Variants in PRDM16 observed in about 807,000 individuals in gnomAD.
PRDM16 encodes histone-lysine N-methyltransferase PRDM16.
Under a neutral mutation model 110.6 loss-of-function variants are expected in PRDM16, and 23 were observed. The ratio of observed to expected loss-of-function variants is 0.21; its 90% confidence interval spans 0.15 to 0.29. PRDM16 has a LOEUF of 0.29. PRDM16 is among the 10% of genes least tolerant of loss of function. The pLI is 1.00. For missense variants in PRDM16, 1,615 were observed against 1,794.3 expected (o/e 0.90, Z 1.81); for synonymous variants, 799 against 781.8 (o/e 1.02, Z -0.37).
rs984372616 is a variant in PRDM16, at chr1:3,331,298, C to G, written c.439-53854C>G. 3.9e-5 allele frequency among the ~76,000 whole-genome samples: 6 copies of G among 152,198 alleles called. No individual in the cohort carries two copies. The East Asian group carries it at 5.8e-4, about 15-fold the overall frequency. The stretch of plus-strand genomic sequence containing the variant: ...CTGGGAGTCTGGAGAAAGGCAGCCC[C>G]CCCCCGGCACACTTGGAGGTGGGGG... On this transcript the variant is annotated intron_variant, in intron 3 of 16. Transcript: ENST00000270722.
chr1:3,412,682 G>T lies in PRDM16; in HGVS notation c.2485G>T (p.Gly829Trp). The T allele has an allele frequency of 6.6e-7, 1 of 1,506,684 alleles. No homozygotes were observed. The highest frequency in any genetic ancestry group is 1.3e-5 in the South Asian group (1 of 77,820). The allele number at this position is 1,506,684 out of a possible 1,614,324, so 93.3% of individuals were successfully genotyped here. The change falls in exon 9 of 17, where the codon GGG becomes TGG. Residue 829 changes from glycine (G) to tryptophan (W), a missense_variant. Transcript: ENST00000270722. ...GREPRKNHVY[G>W]ERKLGAGEGL... The stretch of plus-strand genomic sequence containing the variant: ...GGAGCCCCGCAAGAACCACGTCTAT[G>T]GGGAACGCAAGCTGGGCGCCGGCGA...
At position 3,425,460 on chromosome 1, in the gene PRDM16, G is replaced by T; in HGVS notation, c.2940-121G>T. On this transcript the variant is annotated intron_variant, in intron 12 of 16. Transcript: ENST00000270722. The surrounding 1 kb of genome is among the most constrained non-coding windows in gnomAD (Gnocchi z 6.9). ...GATCCAGCAACCTCCGGGACACGGC[G>T]GGGCAAAGCTGTGCACGGGGCACGG... The T allele has an allele frequency of 9.3e-7, 1 of 1,074,750 alleles. No homozygotes were observed. Among genetic ancestry groups the T allele is most frequent in the Non-Finnish European group, 1.3e-6 (1 of 751,794 alleles). The allele number at this position is 1,074,750 out of a possible 1,614,324, so 66.6% of individuals were successfully genotyped here.
intron 1 of PRDM16, among the ~76,000 whole-genome samples, chr1:3,177,621 G>A (rs1644104854): frequency 6.6e-6 from 1 of 152,206 alleles, no homozygotes; most frequent in Non-Finnish European, 1.5e-5. Flanking sequence ...CCAGTCCCCA[G>A]GAGAGCGAGC....
intron 1 of PRDM16, among the ~76,000 whole-genome samples, chr1:3,075,761 C>T (rs946269869): frequency 2.6e-5 from 4 of 152,248 alleles, no homozygotes; most frequent in African/African-American, 9.6e-5. Context: ...GAGTGGAGGC[C>T]GTGGAGCCTG....
chr1:3,367,077 G>A (rs1384921600), intron 3 of PRDM16, among the ~76,000 whole-genome samples: 1 of 152,200 alleles, frequency 6.6e-6, no homozygotes, highest in Non-Finnish European at 1.5e-5. Context: ...AGACCAGTCT[G>A]GCCAACATGG....
intron 1 of PRDM16, among the ~76,000 whole-genome samples, chr1:3,129,932 G>T (rs1395584916): frequency 6.6e-6 from 1 of 152,106 alleles, no homozygotes; most frequent in Non-Finnish European, 1.5e-5. Context: ...CCCCAGCAGG[G>T]TCTCAGCCAT....
At position 3,437,863 on chromosome 1, in the gene PRDM16, C is replaced by T. The variant is rs373445489; in HGVS notation, c.*4052C>T. 1.2e-4 allele frequency: 26 copies of T among 218,296 alleles called. No homozygotes were observed. Among genetic ancestry groups the T allele is most frequent in the East Asian group, 5.3e-4 (8 of 14,990 alleles). 13.5% of individuals were successfully genotyped at this position (218,296 alleles called of 1,614,324 possible). On this transcript the variant is annotated 3_prime_UTR_variant, in exon 17 of 17. Coordinates refer to ENST00000270722, the MANE Select transcript of PRDM16 (RefSeq NM_022114.4). ...TTCAGCGTCACGTGCATTGCCACTG[C>T]GCTTTCGGCACGAGGGATGCTGAGC...
intron 1 of PRDM16, among the ~76,000 whole-genome samples, chr1:3,126,399 C>T (rs533384814): frequency 6.6e-5 from 10 of 152,314 alleles, no homozygotes; most frequent in South Asian, 2.1e-4. Context: ...AGGGCAAGGC[C>T]GGAGGAGCTG....
intron 1 of PRDM16, among the ~76,000 whole-genome samples, chr1:3,183,627 C>T (rs977539216): frequency 1.3e-5 from 2 of 152,226 alleles, no homozygotes; most frequent in African/African-American, 4.8e-5. Flanking sequence ...TGCCTTTAAT[C>T]AGCAGGAAAC....
intron 3 of PRDM16, among the ~76,000 whole-genome samples, chr1:3,280,604 ACC>A (rs1038181074): frequency 6.6e-6 from 1 of 152,194 alleles, no homozygotes; most frequent in African/African-American, 2.4e-5. Flanking sequence ...AGCTGGAAGA[ACC>A]CACCTCTCAC....
chr1:3,415,152 C>A (rs2100670635), intron 10 of PRDM16, among the ~76,000 whole-genome samples: 2 of 152,298 alleles, frequency 1.3e-5, no homozygotes, highest in South Asian at 4.1e-4. Flanking sequence ...CCCAGAGAGC[C>A]CCCCAGTCCA....
intron 1 of PRDM16, among the ~76,000 whole-genome samples, chr1:3,142,064 G>A (rs986159947): frequency 2.6e-4 from 40 of 152,210 alleles, no homozygotes; most frequent in Non-Finnish European, 5.1e-4. Flanking sequence ...CATCCACCCC[G>A]CAGGAGCTGG....
At chr1:3,270,838 T>G (rs1365256343) in intron 3 of PRDM16, among the ~76,000 whole-genome samples, 13 of 129,360 alleles carry the variant, frequency 1.0e-4, no homozygotes, top group Admixed American at 1.5e-4. Context: ...TCGGGAGGAG[T>G]ACAATCCTGG....
At chr1:3,296,314 A>G (rs906083718) in intron 3 of PRDM16, among the ~76,000 whole-genome samples, 4 of 152,234 alleles carry the variant, frequency 2.6e-5, no homozygotes, top group African/African-American at 9.6e-5. Context: ...AGGTGCTCAG[A>G]GTCGTTATGG....
chr1:3,321,265 T>A (rs1380266939), intron 3 of PRDM16, among the ~76,000 whole-genome samples: 3 of 140,866 alleles, frequency 2.1e-5, no homozygotes, highest in Admixed American at 2.0e-4. Context: ...CATGTGAATA[T>A]TTATGTGTAT....
chr1:3,314,425 G>A (rs974170187), intron 3 of PRDM16, among the ~76,000 whole-genome samples: 2 of 152,142 alleles, frequency 1.3e-5, no homozygotes, highest in African/African-American at 4.8e-5. Context: ...AAGACAGTCT[G>A]CAGGTCAGAG....
chr1:3,226,455 G>T (rs570653752), intron 2 of PRDM16, among the ~76,000 whole-genome samples: 11 of 152,222 alleles, frequency 7.2e-5, no homozygotes, highest in East Asian at 1.9e-4. Context: ...GTCTCTGCTC[G>T]CTCAGAGACA....
rs1382095243 is a variant in PRDM16, at chr1:3,209,569, T to G, written c.387+23095T>G. Among the ~76,000 whole-genome samples the G allele has an allele frequency of 6.6e-6, 1 of 152,190 alleles. No individual in the cohort carries two copies. Among genetic ancestry groups the G allele is most frequent in the African/African-American group, 2.4e-5 (1 of 41,444 alleles). On this transcript the variant is annotated intron_variant, in intron 2 of 16. Transcript: ENST00000270722. The surrounding 1 kb of genome is among the most constrained non-coding windows in gnomAD (Gnocchi z 4.6). ...GCACATTTCCAAAGGAAGCTCCCTG[T>G]GGGTGCGCGTGGAAGCTGAGCGCCT... is the stretch of plus-strand genomic sequence containing the variant.
intron 2 of PRDM16, among the ~76,000 whole-genome samples, chr1:3,198,049 C>T (rs1217199251): frequency 4.6e-5 from 7 of 152,290 alleles, no homozygotes; most frequent in Admixed American, 1.3e-4. Flanking sequence ...ATGAGGGTGA[C>T]GCAACTGCTC....
Sources: allele counts gnomAD v4.1 joint callset (sites outside exome capture counted in the v4.1 genomes callset), GRCh38; gene constraint gnomAD v4.1.1; non-coding constraint Gnocchi (gnomAD v3.1); transcripts MANE v1.5; gene names NCBI Gene and HGNC (gene_info 2026-07-23, HGNC 2026-07-21).